The following SLC24A4 variants were observed in gnomAD, a reference collection of about 807,000 sequenced individuals.
SLC24A4 encodes the protein solute carrier family 24 member 4.
SLC24A4 carries 53 observed loss-of-function variants against 79.0 expected under a neutral mutation model. The observed-to-expected ratio is 0.67, with a 90% CI of 0.54 to 0.84. The LOEUF (loss-of-function observed/expected upper bound fraction) is 0.84, where lower values mean the gene tolerates loss of function less well. SLC24A4 is among the 40% of genes least tolerant of loss of function. The pLI, the probability that SLC24A4 is intolerant of heterozygous loss-of-function variation, is 0.00. For synonymous variants in SLC24A4, 323 were observed against 323.8 expected, an observed-to-expected ratio of 1.00 and a Z score of 0.03; for missense variants, 731 against 822.0, an observed-to-expected ratio of 0.89 and a Z score of 1.35.
At chr14:92,344,703 A>G (rs1277411804) in intron 2 of SLC24A4, among the ~76,000 whole-genome samples, 1 of 151,974 alleles carries the variant, frequency 6.6e-6, no homozygotes, top group Non-Finnish European at 1.5e-5. Context: ...TGGAGAGAGG[A>G]TTTCATTTCA....
At chr14:92,459,105 G>C (rs1279881376) in intron 12 of SLC24A4, among the ~76,000 whole-genome samples, 1 of 152,198 alleles carries the variant, frequency 6.6e-6, no homozygotes, top group Non-Finnish European at 1.5e-5. Context: ...GCTGTCCACT[G>C]TCCAGGCGCT....
rs181950771 is a variant in SLC24A4, at chr14:92,366,325, C to T, written c.241+40347C>T. ...TGGTGGGCAGATGGTCCTGAGGTGACGGGGTTGGAGTCCATCCCCTCGGGC... is the reference window on the plus strand; with the variant it reads ...TGGTGGGCAGATGGTCCTGAGGTGATGGGGTTGGAGTCCATCCCCTCGGGC... On this transcript the variant is annotated intron_variant, in intron 2 of 16. Transcript: ENST00000532405. 3.9e-3 allele frequency among the ~76,000 whole-genome samples: 589 copies of T among 152,226 alleles called. 3 individuals carry two copies. Among genetic ancestry groups the T allele is most frequent in the African/African-American group, 9.8e-3 (407 of 41,540 alleles).
intron 12 of SLC24A4, among the ~76,000 whole-genome samples, chr14:92,470,075 A>G (rs777130987): frequency 2.7e-4 from 41 of 152,166 alleles, no homozygotes; most frequent in Non-Finnish European, 5.1e-4. Context: ...TTATATCTCA[A>G]TTGCTTTTAA....
intron 2 of SLC24A4, among the ~76,000 whole-genome samples, chr14:92,326,285 C>A (rs1009075720): frequency 1.3e-5 from 2 of 151,108 alleles, no homozygotes; most frequent in Admixed American, 1.3e-4. Flanking sequence ...GTTTGCGGCT[C>A]GGGGTGTCTT....
At chr14:92,458,030 T>TTCTGGGTTAGAGAGATTC (rs544884028) in intron 12 of SLC24A4, among the ~76,000 whole-genome samples, 3 of 152,244 alleles carry the variant, frequency 2.0e-5, no homozygotes, top group East Asian at 3.9e-4. Context: ...TCCCTGGAGT[T>TTCTGGGTTAGAGAGATTC]TCTGGGTTAG....
chr14:92,461,138 C>T lies in SLC24A4; in HGVS notation c.1255+4530C>T, dbSNP rs142952020. 2.6e-5 allele frequency among the ~76,000 whole-genome samples: 4 copies of T among 152,294 alleles called. No homozygotes were observed. In the East Asian group the frequency reaches 7.7e-4, roughly 29 times the overall value. On this transcript the variant is annotated intron_variant, in intron 12 of 16. Transcript: ENST00000532405. The stretch of plus-strand genomic sequence containing the variant: ...GGTGCAGCTTGTTTGCTTGTTGTGG[C>T]GCATAGTCTGGGGAATCTTGTGAGC...
intron 2 of SLC24A4, among the ~76,000 whole-genome samples, chr14:92,404,106 G>A (rs1031965695): frequency 8.5e-5 from 13 of 152,144 alleles, no homozygotes; most frequent in African/African-American, 3.1e-4. Context: ...ATTAACAGTG[G>A]CATACATAAC....
chr14:92,334,440 A>G (rs1251939933), intron 2 of SLC24A4, among the ~76,000 whole-genome samples: 2 of 152,132 alleles, frequency 1.3e-5, no homozygotes, highest in Non-Finnish European at 2.9e-5. Flanking sequence ...TCAGGGGTGG[A>G]GTGGGATGGT....
intron 2 of SLC24A4, among the ~76,000 whole-genome samples, chr14:92,413,080 G>A (rs1890808452): frequency 6.6e-6 from 1 of 152,154 alleles, no homozygotes; most frequent in African/African-American, 2.4e-5. Flanking sequence ...AGACCATATG[G>A]CCCGCAAAGC....
At chr14:92,482,011 G>A (rs1228648160) in intron 12 of SLC24A4, among the ~76,000 whole-genome samples, 1 of 152,136 alleles carries the variant, frequency 6.6e-6, no homozygotes, top group Non-Finnish European at 1.5e-5. Context: ...CTGCAGCCAG[G>A]GCACACATTT....
chr14:92,337,475 G>A (rs1343506743), intron 2 of SLC24A4, among the ~76,000 whole-genome samples: 1 of 152,168 alleles, frequency 6.6e-6, no homozygotes, highest in Non-Finnish European at 1.5e-5. Flanking sequence ...TCTCTCCCTG[G>A]CTGACCCCTC....
intron 12 of SLC24A4, among the ~76,000 whole-genome samples, chr14:92,465,814 T>C (rs892208581): frequency 6.6e-6 from 1 of 151,848 alleles, no homozygotes; most frequent in Non-Finnish European, 1.5e-5. Context: ...TCCTGGGCCT[T>C]TGGTCTCTCT....
At chr14:92,443,832 C>T (rs924854161) in intron 7 of SLC24A4, among the ~76,000 whole-genome samples, 3 of 152,136 alleles carry the variant, frequency 2.0e-5, no homozygotes, top group East Asian at 3.9e-4. Flanking sequence ...CAGAGCTTGG[C>T]GGGCAGGGCT....
At chr14:92,362,826 T>C (rs72693196) in intron 2 of SLC24A4, among the ~76,000 whole-genome samples, 10,556 of 152,230 alleles carry the variant, frequency 0.069, 465 homozygotes, top group Admixed American at 0.094. Context: ...TTTTGCAGAA[T>C]GAATGCGCAG....
intron 16 of SLC24A4, 87 bp downstream of exon 16, chr14:92,492,327 C>T: frequency 8.0e-7 from 1 of 1,252,160 alleles, no homozygotes; most frequent in South Asian, 1.2e-5. Flanking sequence ...CTCTGTACAC[C>T]CCTGTCACTT....
At chr14:92,455,787 G>C (rs1893419540) in intron 11 of SLC24A4, among the ~76,000 whole-genome samples, 1 of 151,860 alleles carries the variant, frequency 6.6e-6, no homozygotes, top group Non-Finnish European at 1.5e-5. Flanking sequence ...TGCAACCTCT[G>C]CCTCCCGGGT....
chr14:92,415,848 T>G lies in SLC24A4; in HGVS notation c.242-18064T>G, dbSNP rs187938403. On this transcript the variant is annotated intron_variant, in intron 2 of 16. Coordinates refer to ENST00000532405, the MANE Select transcript of SLC24A4 (RefSeq NM_153646.4). ...AAGTAAGTTCTTTAGTGGTGATTTG[T>G]GAGGTTTGGGTGCACCCATCACCCA... is the stretch of plus-strand genomic sequence containing the variant. Among the ~76,000 whole-genome samples, 9 of 152,174 alleles carry G rather than the reference T, an allele frequency of 5.9e-5. No individual in the cohort carries two copies. The East Asian group carries it at 1.5e-3, about 26-fold the overall frequency.
At chr14:92,459,313 G>C (rs958213560) in intron 12 of SLC24A4, among the ~76,000 whole-genome samples, 1 of 152,200 alleles carries the variant, frequency 6.6e-6, no homozygotes, top group Non-Finnish European at 1.5e-5. Flanking sequence ...GTGGCTGTGC[G>C]GCCTCTGGAC....
Position 92,448,494 on chromosome 14 carries a change from A to T in SLC24A4, c.738-580A>T, listed in dbSNP as rs182872099. Among the ~76,000 whole-genome samples the T allele has an allele frequency of 3.7e-3, 566 of 152,312 alleles. 3 individuals are homozygous for T. Among genetic ancestry groups the T allele is most frequent in the African/African-American group, 0.013 (536 of 41,554 alleles). On this transcript the variant is annotated intron_variant, in intron 9 of 16. Coordinates refer to ENST00000532405, the MANE Select transcript of SLC24A4 (RefSeq NM_153646.4). Reference sequence around the variant, plus strand: ...ATGAGGATATAAATCCCACATTTATATAAAACATTTATAATGTTTTATAAA... The same window carrying T: ...ATGAGGATATAAATCCCACATTTATTTAAAACATTTATAATGTTTTATAAA...
Sources: allele counts gnomAD v4.1 joint callset (sites outside exome capture counted in the v4.1 genomes callset), GRCh38; gene constraint gnomAD v4.1.1; transcripts MANE v1.5; gene names NCBI Gene and HGNC (gene_info 2026-07-23, HGNC 2026-07-21).